Variants in ADD1 observed in about 807,000 individuals in gnomAD.
The protein encoded by ADD1 is alpha-adducin.
A neutral mutation model predicts 80.5 loss-of-function variants in ADD1; 24 were observed. The ratio of observed to expected loss-of-function variants is 0.30; its 90% CI spans 0.22 to 0.42. ADD1 has a LOEUF of 0.42. Ranked by LOEUF, ADD1 falls within the 10% of genes least tolerant of loss-of-function variation. The pLI, the probability that ADD1 is intolerant of heterozygous loss-of-function variation, is 1.00. For missense variants in ADD1, 948 were observed against 1,019.0 expected (o/e 0.93, Z 0.95); for synonymous variants, 373 against 393.8 (o/e 0.95, Z 0.63).
At chr4:2,925,201 A>G (rs1279837774) in intron 14 of ADD1, among the ~76,000 whole-genome samples, 2 of 152,200 alleles carry the variant, frequency 1.3e-5, no homozygotes, top group Admixed American at 6.5e-5. Flanking sequence ...GCTAGGTGGT[A>G]TGGCGGCCTT....
At position 2,924,727 on chromosome 4, in the gene ADD1, C is replaced by T. The variant is rs552533396; in HGVS notation, c.1949-1287C>T. ...CACCGCTATTTACTATTCAGGCCGC[C>T]ACACACACCAGGCCCTGCTGCTGGT... On this transcript the variant is annotated intron_variant, in intron 14 of 15. Transcript: ENST00000683351. 1.4e-4 allele frequency among the ~76,000 whole-genome samples: 22 copies of T among 152,330 alleles called. No homozygotes were observed. In the South Asian group the frequency reaches 4.4e-3, roughly 30 times the overall value.
At position 2,904,888 on chromosome 4, in the gene ADD1, C is replaced by T; in HGVS notation, c.1286C>T (p.Thr429Ile). Residue 429 changes from threonine (T) to isoleucine (I), a missense_variant, in exon 10 of 16, where the codon ACT becomes ATT. Transcript: ENST00000683351. ...YSFASDGDSG[T>I]CSPLRHSFQK... is the part of the protein sequence containing the mutation. ...TTTGCTAGTGACGGTGATTCGGGCA[C>T]TTGCTCCCCACTCAGACACAGTTTT... 1 of 1,614,206 alleles carries T rather than the reference C, an allele frequency of 6.2e-7. No homozygotes were observed. The highest frequency in any genetic ancestry group is 8.5e-7 in the Non-Finnish European group (1 of 1,180,038).
chr4:2,865,248 T>C (rs1245488778), intron 1 of ADD1, among the ~76,000 whole-genome samples: 3 of 152,228 alleles, frequency 2.0e-5, no homozygotes, highest in African/African-American at 7.2e-5. Context: ...GTACTCATAA[T>C]TACTTGATAG....
intron 1 of ADD1, among the ~76,000 whole-genome samples, chr4:2,853,855 C>T (rs1309943761): frequency 6.6e-6 from 1 of 152,058 alleles, no homozygotes; most frequent in Non-Finnish European, 1.5e-5. Context: ...CCACCTGCCT[C>T]GGCCTCCAAA....
chr4:2,884,394 A>G, intron 3 of ADD1, 121 bp from the exon 4 acceptor site: 1 of 659,818 alleles, frequency 1.5e-6, no homozygotes, highest in East Asian at 2.9e-5. Context: ...AGCTGCTATC[A>G]TAAGCACTAC....
chr4:2,928,756 G>T lies in ADD1; in HGVS notation c.*233G>T. 1.9e-6 allele frequency: 1 copy of T among 522,376 alleles called. No homozygotes were observed. The highest frequency in any genetic ancestry group is 3.3e-6 in the Non-Finnish European group (1 of 302,100). 32.4% of individuals were successfully genotyped at this position (522,376 alleles called of 1,614,324 possible). On this transcript the variant is annotated 3_prime_UTR_variant, in exon 16 of 16. Transcript: ENST00000683351. ...GAGCCTCAGCTTCTGGGGGAGACAT[G>T]CTCTCCCCACAGGGGGGAGGCACTA...
rs542357494 is a variant in ADD1, at chr4:2,909,577, G to A, written c.1791+146G>A. On this transcript the variant is annotated intron_variant, in intron 13 of 15. Coordinates refer to ENST00000683351, the MANE Select transcript of ADD1 (RefSeq NM_001354761.2). ...ACCTGTTTGTGAGATTGTACAGAAG[G>A]TTCTGTTCTACCTACTTGATTCTTT... 2.0e-4 allele frequency: 121 copies of A among 617,216 alleles called. 1 individual carries two copies. In the Admixed American group the frequency reaches 3.3e-3, roughly 17 times the overall value. The allele number at this position is 617,216 out of a possible 1,614,324, so 38.2% of individuals were successfully genotyped here.
chr4:2,913,940 T>A (rs1577697454), intron 13 of ADD1, among the ~76,000 whole-genome samples: 1 of 151,682 alleles, frequency 6.6e-6, no homozygotes, highest in Non-Finnish European at 1.5e-5. Flanking sequence ...GCGCCTGTAG[T>A]CCCAGCTACT....
At chr4:2,895,555 A>G (rs1184465358) in intron 6 of ADD1, among the ~76,000 whole-genome samples, 1 of 152,122 alleles carries the variant, frequency 6.6e-6, no homozygotes, top group Admixed American at 6.5e-5. Flanking sequence ...CCCGCAGCCA[A>G]CCAGCAGGAC....
chr4:2,908,011 G>A (rs948370922), intron 11 of ADD1, among the ~76,000 whole-genome samples, 167 bp downstream of exon 11: 1 of 152,212 alleles, frequency 6.6e-6, no homozygotes, highest in Non-Finnish European at 1.5e-5. Context: ...CCACCAGTGT[G>A]AAGTATGAGC....
At chr4:2,920,769 C>A (rs1422364462) in intron 14 of ADD1, among the ~76,000 whole-genome samples, 1 of 115,652 alleles carries the variant, frequency 8.6e-6, no homozygotes, top group East Asian at 2.5e-4. Context: ...AGCACAGTGA[C>A]AGGTCTTGAC....
chr4:2,893,910 T>G, intron 4 of ADD1, 103 bp from the exon 5 acceptor site: 2 of 1,035,782 alleles, frequency 1.9e-6, no homozygotes, highest in South Asian at 2.7e-5. Flanking sequence ...CTTCCCTGCA[T>G]AGCTCACTCA....
intron 3 of ADD1, among the ~76,000 whole-genome samples, chr4:2,882,295 G>A (rs938392283): frequency 6.6e-6 from 1 of 152,196 alleles, no homozygotes; most frequent in Non-Finnish European, 1.5e-5. Context: ...CGAGGCAGAT[G>A]ACTTTTTATG....
intron 2 of ADD1, chr4:2,881,624 T>C (rs1732361090): frequency 3.5e-6 from 1 of 286,504 alleles, no homozygotes. Flanking sequence ...AACATACAAA[T>C]GAATCAGTCT....
At chr4:2,900,644 T>G (rs1736019103) in intron 9 of ADD1, 1 of 152,228 alleles carries the variant, frequency 6.6e-6, no homozygotes, top group Non-Finnish European at 1.5e-5. Flanking sequence ...TAAAAAGTAT[T>G]CATAGGTCTG....
intron 3 of ADD1, among the ~76,000 whole-genome samples, chr4:2,882,866 T>C (rs1398511988): frequency 6.6e-6 from 1 of 152,144 alleles, no homozygotes; most frequent in African/African-American, 2.4e-5. Flanking sequence ...TTTTTTTTGT[T>C]GTTGTTGTTT....
At chr4:2,923,114 C>G (rs1433770691) in intron 14 of ADD1, among the ~76,000 whole-genome samples, 2 of 152,236 alleles carry the variant, frequency 1.3e-5, no homozygotes, top group Non-Finnish European at 2.9e-5. Flanking sequence ...CACTTGGCTC[C>G]CTGGCTTCAG....
At chr4:2,892,959 A>G (rs1734560233) in intron 4 of ADD1, among the ~76,000 whole-genome samples, 1 of 152,020 alleles carries the variant, frequency 6.6e-6, no homozygotes, top group South Asian at 2.1e-4. Flanking sequence ...TCTGTCACCC[A>G]GGCTAGAGTG....
intron 4 of ADD1, among the ~76,000 whole-genome samples, chr4:2,891,729 C>T (rs1734340081): frequency 6.6e-6 from 1 of 152,164 alleles, no homozygotes; most frequent in South Asian, 2.1e-4. Context: ...GCCCAGAACA[C>T]CATAGCCAGT....
Sources: allele counts gnomAD v4.1 joint callset (sites outside exome capture counted in the v4.1 genomes callset), GRCh38; gene constraint gnomAD v4.1.1; transcripts MANE v1.5; gene names NCBI Gene and HGNC (gene_info 2026-07-23, HGNC 2026-07-21).